The following ATR variants were observed in gnomAD, a reference collection of about 807,000 sequenced individuals.
ATR encodes the protein serine/threonine-protein kinase ATR.
ATR carries 142 observed loss-of-function variants against 305.3 expected under a neutral mutation model. The observed-to-expected ratio is 0.47, with a 90% CI of 0.41 to 0.53. ATR has a LOEUF of 0.53. Among genes scored for constraint, ATR ranks in the 20% least tolerant of loss-of-function variants. The pLI is 0.00. For missense variants in ATR, 2,135 were observed against 3,133.1 expected, an observed-to-expected ratio of 0.68 and a Z score of 7.60; for synonymous variants, 1,050 against 1,068.1, an observed-to-expected ratio of 0.98 and a Z score of 0.33.
chr3:142,529,453 T>C (rs1304227712), intron 21 of ATR, among the ~76,000 whole-genome samples: 3 of 152,196 alleles, frequency 2.0e-5, no homozygotes, highest in Non-Finnish European at 2.9e-5. Flanking sequence ...GAATATAACA[T>C]TTACATATAA....
chr3:142,528,880 T>TATATATATATATATATATATATATATA (rs1491576068), intron 21 of ATR, among the ~76,000 whole-genome samples: 1 of 38,630 alleles, frequency 2.6e-5, no homozygotes, highest in African/African-American at 2.1e-4. Flanking sequence ...TATATATATA[T>TATATATATATATATATATATATATATA]TTTTTTTTTT....
chr3:142,518,218 A>G (rs2032990306), intron 24 of ATR, among the ~76,000 whole-genome samples: 1 of 152,186 alleles, frequency 6.6e-6, no homozygotes, highest in Admixed American at 6.5e-5. Context: ...CTTTAACTTT[A>G]CTTTTTAAAT....
chr3:142,547,668 T>TTAAGC (rs2034319821), intron 16 of ATR, 57 bp downstream of exon 16: 3 of 1,555,004 alleles, frequency 1.9e-6, no homozygotes, highest in Non-Finnish European at 1.8e-6. Context: ...AATTTTATAA[T>TTAAGC]TAAGCTGCAA....
chr3:142,519,520 T>C (rs1346835303), intron 24 of ATR, 149 bp downstream of exon 24: 6 of 603,396 alleles, frequency 9.9e-6, no homozygotes, highest in Non-Finnish European at 1.8e-5. Flanking sequence ...CAGGCTGATC[T>C]CGAACTCCTG....
intron 6 of ATR, 89 bp from the exon 7 acceptor site, chr3:142,559,530 TTG>T (rs1330171337): frequency 1.6e-6 from 2 of 1,275,026 alleles, no homozygotes; most frequent in South Asian, 1.3e-5. Flanking sequence ...CCAAAAGAAA[TTG>T]TGAGTACGAA....
At chr3:142,575,541 C>T (rs1007784172) in intron 1 of ATR, among the ~76,000 whole-genome samples, 6 of 151,928 alleles carry the variant, frequency 3.9e-5, no homozygotes, top group East Asian at 1.9e-4. Context: ...CCCAGATTCA[C>T]GTGACTAGCT....
chr3:142,450,877 T>C (rs2070772304), intron 46 of ATR: 4 of 1,307,280 alleles, frequency 3.1e-6, no homozygotes, highest in Non-Finnish European at 3.9e-6. Flanking sequence ...AGCAGACAGA[T>C]ACCAATACGG....
chr3:142,468,202 T>A, intron 38 of ATR, 134 bp from the exon 39 acceptor site: 1 of 1,052,794 alleles, frequency 9.5e-7, no homozygotes, highest in Non-Finnish European at 1.4e-6. Flanking sequence ...TCTGAAAATT[T>A]ATTTGGCAAT....
chr3:142,529,195 T>A (rs575938749), intron 21 of ATR, among the ~76,000 whole-genome samples: 2 of 152,042 alleles, frequency 1.3e-5, no homozygotes, highest in Admixed American at 1.3e-4. Context: ...AATATATTAA[T>A]ACCTTTAATA....
intron 38 of ATR, among the ~76,000 whole-genome samples, 175 bp from the exon 39 acceptor site, chr3:142,468,243 C>T (rs2071177035): frequency 6.6e-6 from 1 of 152,018 alleles, no homozygotes; most frequent in African/African-American, 2.4e-5. Flanking sequence ...TATTGCCACC[C>T]TATAACTTTG....
At chr3:142,524,288 T>A (rs913683205) in intron 21 of ATR, 89 bp from the exon 22 acceptor site, 2 of 1,224,702 alleles carry the variant, frequency 1.6e-6, no homozygotes, top group African/African-American at 3.1e-5. Context: ...TATTAAGGAA[T>A]ATCTAACATA....
intron 20 of ATR, among the ~76,000 whole-genome samples, 154 bp from the exon 21 acceptor site, chr3:142,535,359 A>T (rs1183396131): frequency 6.6e-6 from 1 of 152,176 alleles, no homozygotes; most frequent in Non-Finnish European, 1.5e-5. Flanking sequence ...TACAGCACAA[A>T]TCATTTTTAG....
In ATR at chr3:142,498,612, T is replaced by C. The variant is rs2108340621; in HGVS notation, c.5543A>G (p.Tyr1848Cys). The C allele has an allele frequency of 6.2e-7, 1 of 1,613,630 alleles. No homozygotes were observed. Among genetic ancestry groups the C allele is most frequent in the Non-Finnish European group, 8.5e-7 (1 of 1,179,950 alleles). ...SFERGSYQRG[Y>C]EYIVRLHMLC... ...TCCAAAATACCTCACAATATATTCA[T>C]ATCCTCGTTGGTAGGAGCCTCTTTC... is the stretch of plus-strand genomic sequence containing the variant. Residue 1848 changes from tyrosine to cysteine, a missense_variant, in exon 32 of 47, where the codon TAT (tyrosine) becomes TGT (cysteine). By Grantham distance (194) the Tyr-to-Cys change is radical (BLOSUM62 -2). Around this residue, in one of 9 missense-constraint regions of ATR, gnomAD observed 117 missense variants for 198.3 expected, o/e 0.59. Coordinates refer to ENST00000350721, the MANE Select transcript of ATR (RefSeq NM_001184.4).
intron 28 of ATR, 22 bp from the exon 29 acceptor site, chr3:142,505,325 C>T: frequency 6.2e-7 from 1 of 1,610,714 alleles, no homozygotes; most frequent in Non-Finnish European, 8.5e-7. Flanking sequence ...GATTAAAAAA[C>T]AATCAAAAAC....
intron 42 of ATR, among the ~76,000 whole-genome samples, chr3:142,461,274 T>C (rs1044474089): frequency 6.6e-6 from 1 of 152,150 alleles, no homozygotes; most frequent in South Asian, 2.1e-4. Flanking sequence ...CCTGCAATAA[T>C]AATTACTATA....
chr3:142,492,155 A>G (rs1246997741), intron 35 of ATR, among the ~76,000 whole-genome samples: 1 of 152,184 alleles, frequency 6.6e-6, no homozygotes, highest in Non-Finnish European at 1.5e-5. Flanking sequence ...TAGTATGGAT[A>G]TAGAGTAGTT....
chr3:142,481,276 A>G (rs2030452799), intron 36 of ATR, among the ~76,000 whole-genome samples: 1 of 152,190 alleles, frequency 6.6e-6, no homozygotes, highest in Non-Finnish European at 1.5e-5. Context: ...AATTTTGTCA[A>G]GTGCTTTCTC....
chr3:142,508,751 G>A (rs141962960), intron 27 of ATR, among the ~76,000 whole-genome samples: 459 of 151,814 alleles, frequency 3.0e-3, no homozygotes, highest in Admixed American at 5.1e-3. Context: ...GTGAAACCCC[G>A]TCTCTACTAA....
intron 27 of ATR, among the ~76,000 whole-genome samples, chr3:142,508,814 C>G (rs150673547): frequency 6.6e-6 from 1 of 151,210 alleles, no homozygotes; most frequent in South Asian, 2.1e-4. Context: ...GTCCCAGCTA[C>G]TCGGGGGGCT....
Sources: allele counts gnomAD v4.1 joint callset (sites outside exome capture counted in the v4.1 genomes callset), GRCh38; gene constraint gnomAD v4.1.1; regional missense constraint gnomAD v4.1.1; transcripts MANE v1.5; gene names NCBI Gene and HGNC (gene_info 2026-07-23, HGNC 2026-07-21).